GRID2: variants seen among roughly 807,000 people sequenced by gnomAD.
The protein encoded by GRID2 is glutamate receptor ionotropic, delta-2.
In GRID2, 33 loss-of-function variants were observed where a neutral mutation model predicts 114.8. That is an observed-to-expected ratio of 0.29 (90% confidence interval 0.22 to 0.38). The LOEUF is 0.38. GRID2 is among the 10% of genes least tolerant of loss of function. GRID2 has a pLI of 1.00. For missense variants in GRID2, 1,184 were observed against 1,257.7 expected (o/e 0.94, Z 0.89); for synonymous variants, 505 against 449.9 (o/e 1.12, Z -1.55).
At chr4:92,880,753 T>C (rs1305243253) in intron 2 of GRID2, among the ~76,000 whole-genome samples, 3 of 152,154 alleles carry the variant, frequency 2.0e-5, no homozygotes, top group Non-Finnish European at 4.4e-5. Flanking sequence ...ATAATTTTGC[T>C]CTTTTCTGCC....
intron 2 of GRID2, among the ~76,000 whole-genome samples, chr4:92,810,719 A>G (rs1740627721): frequency 6.6e-6 from 1 of 152,116 alleles, no homozygotes; most frequent in Non-Finnish European, 1.5e-5. Flanking sequence ...TTTGTAAAAT[A>G]CATTTCTCTT....
intron 8 of GRID2, among the ~76,000 whole-genome samples, chr4:93,346,606 C>T (rs77620404): frequency 0.045 from 6,833 of 152,176 alleles, 180 homozygotes; most frequent in South Asian, 0.068. Flanking sequence ...GTTTTCCCAC[C>T]AAAGCCTGTT....
At chr4:93,713,442 T>C (rs1242289430) in intron 14 of GRID2, among the ~76,000 whole-genome samples, 1 of 151,482 alleles carries the variant, frequency 6.6e-6, no homozygotes, top group African/African-American at 2.4e-5. Context: ...TATTTATTTA[T>C]TTATTTATTT....
chr4:93,402,089 G>C (rs549610950), intron 9 of GRID2, among the ~76,000 whole-genome samples: 5 of 151,892 alleles, frequency 3.3e-5, no homozygotes, highest in Admixed American at 6.6e-5. Context: ...TTTAACAAAG[G>C]AATAAATAAT....
intron 1 of GRID2, among the ~76,000 whole-genome samples, chr4:92,558,097 A>G (rs769202308): frequency 2.2e-4 from 34 of 152,104 alleles, no homozygotes; most frequent in Admixed American, 4.6e-4. Flanking sequence ...AAATGCTTGC[A>G]ATTGGGTAAC....
intron 2 of GRID2, among the ~76,000 whole-genome samples, chr4:92,770,772 C>T (rs1738502882): frequency 6.6e-6 from 1 of 152,152 alleles, no homozygotes; most frequent in Non-Finnish European, 1.5e-5. Context: ...ATTCAATCAC[C>T]TCCAACCGGG....
At chr4:92,957,383 G>C (rs1752484507) in intron 2 of GRID2, among the ~76,000 whole-genome samples, 1 of 152,066 alleles carries the variant, frequency 6.6e-6, no homozygotes, top group South Asian at 2.1e-4. Flanking sequence ...TTGTCTAGTT[G>C]TTCCAGCACT....
chr4:92,899,093 CAG>C (rs1225835545), intron 2 of GRID2, among the ~76,000 whole-genome samples: 2 of 151,950 alleles, frequency 1.3e-5, no homozygotes, highest in Non-Finnish European at 2.9e-5. Context: ...TTATGTTTGA[CAG>C]AGTAGCATTT....
chr4:92,805,970 A>G (rs1033102607), intron 2 of GRID2, among the ~76,000 whole-genome samples: 2 of 151,696 alleles, frequency 1.3e-5, no homozygotes, highest in Non-Finnish European at 2.9e-5. Context: ...CTGGCACTAC[A>G]CAATCATATT....
At chr4:92,546,161 C>T (rs910246335) in intron 1 of GRID2, among the ~76,000 whole-genome samples, 3 of 152,184 alleles carry the variant, frequency 2.0e-5, no homozygotes, top group South Asian at 2.1e-4. Context: ...TACAATGTGA[C>T]TGTATATTTA....
At chr4:93,032,752 A>G (rs1724552666) in intron 2 of GRID2, among the ~76,000 whole-genome samples, 1 of 152,204 alleles carries the variant, frequency 6.6e-6, no homozygotes, top group Non-Finnish European at 1.5e-5. Flanking sequence ...GGCTGAAAAG[A>G]TAGAATGTAT....
At chr4:92,699,395 T>A (rs1044257052) in intron 2 of GRID2, among the ~76,000 whole-genome samples, 1 of 152,204 alleles carries the variant, frequency 6.6e-6, no homozygotes, top group Non-Finnish European at 1.5e-5. Context: ...TAGTCTTGCA[T>A]CTGCCATTTA....
chr4:92,770,309 C>T (rs902600326), intron 2 of GRID2, among the ~76,000 whole-genome samples: 14 of 152,154 alleles, frequency 9.2e-5, no homozygotes, highest in African/African-American at 3.1e-4. Flanking sequence ...TCACTATCAG[C>T]ATTTTTGTCA....
chr4:93,585,530 C>G (rs1737449088), intron 13 of GRID2, among the ~76,000 whole-genome samples: 1 of 152,010 alleles, frequency 6.6e-6, no homozygotes. Flanking sequence ...GGTCTCAACC[C>G]TTCTTAAAAT....
chr4:92,441,779 G>A (rs1357529489), intron 1 of GRID2, among the ~76,000 whole-genome samples: 1 of 152,064 alleles, frequency 6.6e-6, no homozygotes. Flanking sequence ...CGGTCGCCAA[G>A]GAGGGAGTAG....
Position 92,439,315 on chromosome 4 carries a change from T to G in GRID2, c.88+134571T>G, listed in dbSNP as rs531054336. The stretch of plus-strand genomic sequence containing the variant: ...TGGGGCAGGGCATATTCACTTCTTT[T>G]GTGATTCTTCAGTTACTTCAGGCCA... On this transcript the variant is annotated intron_variant, in intron 1 of 15. Transcript: ENST00000282020. Among the ~76,000 whole-genome samples the G allele has an allele frequency of 6.6e-3, 1,007 of 152,288 alleles. 5 individuals carry two copies. The highest frequency in any genetic ancestry group is 9.8e-3 in the Non-Finnish European group (666 of 68,018).
At chr4:92,741,060 T>C (rs768112399) in intron 2 of GRID2, among the ~76,000 whole-genome samples, 6 of 152,144 alleles carry the variant, frequency 3.9e-5, no homozygotes, top group Non-Finnish European at 8.8e-5. Context: ...TCTTTTCATA[T>C]GTGATCTGCA....
chr4:93,361,808 C>G (rs1761905042), intron 8 of GRID2, among the ~76,000 whole-genome samples: 1 of 152,074 alleles, frequency 6.6e-6, no homozygotes, highest in South Asian at 2.1e-4. Context: ...AACAGGCATG[C>G]CTCTCCTGCT....
At chr4:92,399,636 GCTCT>G (rs749067156) in intron 1 of GRID2, among the ~76,000 whole-genome samples, 3,929 of 141,748 alleles carry the variant, frequency 0.028, 62 homozygotes, top group African/African-American at 0.051. Context: ...AATAAAAGCA[GCTCT>G]CTCTCTCTCT....
Sources: allele counts gnomAD v4.1 joint callset (sites outside exome capture counted in the v4.1 genomes callset), GRCh38; gene constraint gnomAD v4.1.1; transcripts MANE v1.5; gene names NCBI Gene and HGNC (gene_info 2026-07-23, HGNC 2026-07-21).